Variants in BRD8 observed in about 807,000 individuals in gnomAD.
BRD8 encodes bromodomain containing 8, also known as bromodomain-containing protein 8.
BRD8 carries 67 observed loss-of-function variants against 143.1 expected under a neutral mutation model. The observed-to-expected ratio is 0.47, with a 90% CI of 0.38 to 0.57. The LOEUF is 0.57. Ranked by LOEUF, BRD8 falls within the 20% of genes least tolerant of loss-of-function variation. The pLI is 0.00. For missense variants in BRD8, 1,103 were observed against 1,503.0 expected, an observed-to-expected ratio of 0.73 and a Z score of 4.40; for synonymous variants, 505 against 517.1, an observed-to-expected ratio of 0.98 and a Z score of 0.32.
rs115912769 is a variant in BRD8 at position 138,140,768 on chromosome 5, G to A, written c.3552C>T (p.Asp1184=). 5.5e-3 allele frequency: 8,827 copies of A among 1,614,194 alleles called. 32 individuals carry two copies. The highest frequency in any genetic ancestry group is 6.8e-3 in the Non-Finnish European group (8,023 of 1,180,030). ...LMFQNAVMYN[D]SDHHVYHMAV... ...CCATATGGTATACATGATGATCAGA[G>A]TCATTGTACATTACAGCATTTTGGA... Residue 1184 remains aspartate, a synonymous_variant, in exon 26 of 27, where the codon GAC becomes GAT. Transcript: ENST00000254900.
At position 138,140,794 on chromosome 5, in the gene BRD8, ACATCAG is replaced by A. The variant is rs756343204; in HGVS notation, c.3520_3525del (p.Leu1174_Met1175del). ...TCATTGTACATTACAGCATTTTGGA[ACATCAG>A]CATCAGGTCTCGCAGGAATTGGGCC... On this transcript the variant is annotated inframe_deletion, in exon 26 of 27. Coordinates refer to ENST00000254900, the MANE Select transcript of BRD8 (RefSeq NM_139199.2). The A allele has an allele frequency of 6.8e-6, 11 of 1,614,206 alleles. No homozygotes were observed. In the South Asian group the frequency reaches 9.9e-5, roughly 15 times the overall value.
At chr5:138,152,889 G>T in intron 20 of BRD8, 129 bp from the exon 21 acceptor site, 2 of 996,164 alleles carry the variant, frequency 2.0e-6, no homozygotes, top group Non-Finnish European at 2.9e-6. Flanking sequence ...TCATCATTAG[G>T]AAGAATTAAA....
intron 2 of BRD8, among the ~76,000 whole-genome samples, chr5:138,173,550 C>T (rs750412827): frequency 2.6e-5 from 4 of 152,124 alleles, no homozygotes; most frequent in Non-Finnish European, 4.4e-5. Context: ...TATACACACA[C>T]ACACACACAC....
chr5:138,171,524 C>A, intron 3 of BRD8, 114 bp from the exon 4 acceptor site: 2 of 700,444 alleles, frequency 2.9e-6, no homozygotes, highest in Admixed American at 2.4e-5. Flanking sequence ...ATATGTAAGA[C>A]GGGAGTGGTT....
intron 18 of BRD8, 113 bp from the exon 19 acceptor site, chr5:138,160,286 A>G: frequency 2.8e-6 from 2 of 715,496 alleles, no homozygotes; most frequent in Non-Finnish European, 4.9e-6. Context: ...TGGCTCAAAT[A>G]TATTTTGACT....
rs1367150805 is a variant in BRD8, at chr5:138,165,936, C to A, written c.1170G>T (p.Gly390=). The change falls in exon 11 of 27, where the codon GGG becomes GGT. Residue 390 remains glycine (G), a synonymous_variant. Coordinates refer to ENST00000254900, the MANE Select transcript of BRD8 (RefSeq NM_139199.2). ...PVGSKAPSID[G]KEELDLAEKM... ...TCTCAGCCAGATCTAATTCTTCCTT[C>A]CCATCTATGCTGGGAGCCTTTGATC... The A allele has an allele frequency of 6.2e-7, 1 of 1,614,106 alleles. No homozygotes were observed. The highest frequency in any genetic ancestry group is 8.5e-7 in the Non-Finnish European group (1 of 1,180,054).
chr5:138,159,699 G>A, intron 19 of BRD8, 100 bp from the exon 20 acceptor site: 3 of 1,161,142 alleles, frequency 2.6e-6, no homozygotes, highest in Non-Finnish European at 3.8e-6. Context: ...CACACACAAG[G>A]ACAAAATTTT....
chr5:138,172,957 T>G (rs1019674282), intron 2 of BRD8: 1 of 180,828 alleles, frequency 5.5e-6, no homozygotes, highest in African/African-American at 2.4e-5. Context: ...CACATAAAAT[T>G]TTGCTGGAGA....
At chr5:138,163,758 A>G in intron 14 of BRD8, 2 of 744,640 alleles carry the variant, frequency 2.7e-6, no homozygotes, top group Non-Finnish European at 4.0e-6. Flanking sequence ...TAAAAAGAAA[A>G]CTCTGGATGA....
At chr5:138,145,932 A>G (rs373600592) in intron 23 of BRD8, 54 bp from the exon 24 acceptor site, 50 of 1,465,470 alleles carry the variant, frequency 3.4e-5, no homozygotes, top group African/African-American at 2.6e-4. Context: ...ATAATATTCT[A>G]TCTCCCCCAG....
Position 138,140,875 on chromosome 5 carries a change from C to T in BRD8, c.3445G>A (p.Asp1149Asn), listed in dbSNP as rs1407571423. 6.2e-7 allele frequency: 1 copy of T among 1,613,996 alleles called. No homozygotes were observed. Among genetic ancestry groups the T allele is most frequent in the African/African-American group, 1.3e-5 (1 of 74,904 alleles). Reference protein sequence around the residue: ...GYKDVVKRPMDLTSLKRNLSK... With the variant: ...GYKDVVKRPMNLTSLKRNLSK... ...AGATTTCTCTTCAGGCTAGTTAAGT[C>T]CATGGGTCTGCAGGTGGCCAAGAAA... The change falls in exon 26 of 27, where the codon GAC becomes AAC. Residue 1149 changes from aspartate (D) to asparagine (N), a missense_variant. This residue lies in a region of BRD8 where 369 missense variants were observed against 445.5 expected (regional missense o/e 0.83). Transcript: ENST00000254900.
At chr5:138,149,901 G>A (rs1203216943) in intron 22 of BRD8, 104 bp from the exon 23 acceptor site, 3 of 1,068,366 alleles carry the variant, frequency 2.8e-6, no homozygotes, top group African/African-American at 3.2e-5. Context: ...GTGAGAAGAG[G>A]TCAATTACAT....
rs905128118 is a variant in BRD8, at chr5:138,164,747, G to A, written c.1698C>T (p.Gly566=). The A allele has an allele frequency of 8.7e-6, 14 of 1,614,006 alleles. No homozygotes were observed. Among genetic ancestry groups the A allele is most frequent in the African/African-American group, 8.0e-5 (6 of 74,894 alleles). ...TCACATTTGTAAGTGGAGTCTCATC[G>A]CCTTTCCCAATGGCAACATCTGCTT... The part of the protein sequence containing the change: ...IVEADVAIGK[G]DETPLTNVKT... The change falls in exon 12 of 27, where the codon GGC becomes GGT. Residue 566 remains glycine, a synonymous_variant. Coordinates refer to ENST00000254900, the MANE Select transcript of BRD8 (RefSeq NM_139199.2).
rs1581454037 is a variant in BRD8 at position 138,171,290 on chromosome 5, A to G, written c.236+71T>C. 2.1e-6 allele frequency: 3 copies of G among 1,440,020 alleles called. No individual in the cohort carries two copies. In the South Asian group the frequency reaches 3.5e-5, roughly 17 times the overall value. 89.2% of individuals were successfully genotyped at this position (1,440,020 alleles called of 1,614,324 possible). Reference sequence around the variant, plus strand: ...TAATCATCCAGTATCATAACTAAGTATAAACCAGAATTCCTCAGTAAATAC... The same window carrying G: ...TAATCATCCAGTATCATAACTAAGTGTAAACCAGAATTCCTCAGTAAATAC... On this transcript the variant is annotated intron_variant, in intron 4 of 26. Coordinates refer to ENST00000254900, the MANE Select transcript of BRD8 (RefSeq NM_139199.2).
chr5:138,151,008 C>G lies in BRD8; in HGVS notation c.2857G>C (p.Val953Leu). 1 of 1,609,042 alleles carries G rather than the reference C, an allele frequency of 6.2e-7. No individual in the cohort carries two copies. Among genetic ancestry groups the G allele is most frequent in the African/African-American group, 1.3e-5 (1 of 74,808 alleles). The change falls in exon 22 of 27, where the codon GTA becomes CTA. Residue 953 changes from valine (V) to leucine (L), a missense_variant and splice_region_variant. Transcript: ENST00000254900. Reference protein sequence around the residue: ...HQNLLHFLSEVAYLMEPLCIS... With the variant: ...HQNLLHFLSELAYLMEPLCIS... ...CACAAGGGCTCCATTAAATAAGCTACCTGCAATCAAAGTTTATTATTAGAT... is the reference window on the plus strand; with the variant it reads ...CACAAGGGCTCCATTAAATAAGCTAGCTGCAATCAAAGTTTATTATTAGAT...
intron 14 of BRD8, chr5:138,163,571 A>G: frequency 2.7e-6 from 4 of 1,461,310 alleles, no homozygotes; most frequent in African/African-American, 1.4e-5. Flanking sequence ...AAGAAAGAAA[A>G]AAAAAAGCTA....
intron 20 of BRD8, among the ~76,000 whole-genome samples, chr5:138,157,464 A>G (rs1752679921): frequency 6.6e-6 from 1 of 152,202 alleles, no homozygotes; most frequent in Admixed American, 6.5e-5. Flanking sequence ...GAGGAAATGT[A>G]GGATGGAATA....
rs761725140 is a variant in BRD8 at position 138,167,922 on chromosome 5, G to C, written c.787+12C>G. ...CACCTTTGAGGTTGATAAAGGAAAA[G>C]TGGTAACTTACCTGATGCAGCAGGG... On this transcript the variant is annotated intron_variant, in intron 9 of 26. Transcript: ENST00000254900. 1.9e-6 allele frequency: 3 copies of C among 1,612,372 alleles called. No individual in the cohort carries two copies. The highest frequency in any genetic ancestry group is 2.7e-5 in the African/African-American group (2 of 74,908).
intron 22 of BRD8, 99 bp downstream of exon 22, chr5:138,150,646 A>C: frequency 1.5e-6 from 2 of 1,323,594 alleles, no homozygotes; most frequent in South Asian, 3.1e-5. Flanking sequence ...GGATCCAGGT[A>C]GTTTAACTTT....
Sources: gnomAD v4.1 joint callset for allele counts (sites outside exome capture counted in the v4.1 genomes callset) on GRCh38, gnomAD v4.1.1 for gene constraint, gnomAD v4.1.1 regional missense constraint, MANE v1.5 for transcripts, NCBI Gene and HGNC (gene_info 2026-07-23, HGNC 2026-07-21) for gene names.